Variants in ASH1L observed in about 807,000 individuals in gnomAD.
ASH1L encodes ASH1 like histone lysine methyltransferase.
In ASH1L, 23 loss-of-function variants were observed where a neutral mutation model predicts 269.0. That is an observed-to-expected ratio of 0.09 (90% CI 0.06 to 0.12). ASH1L has a LOEUF of 0.12. Ranked by LOEUF, ASH1L falls within the 10% of genes least tolerant of loss-of-function variation. The probability of loss-of-function intolerance (pLI) is 1.00; values close to 1 mark genes in which losing one functional copy is unlikely to be tolerated. For missense variants in ASH1L, 2,912 were observed against 3,567.8 expected (o/e 0.82, Z 4.68); for synonymous variants, 1,187 against 1,253.5 (o/e 0.95, Z 1.12).
chr1:155,379,124 G>T (rs1461731662), intron 8 of ASH1L, among the ~76,000 whole-genome samples: 1 of 151,840 alleles, frequency 6.6e-6, no homozygotes, highest in Non-Finnish European at 1.5e-5. Context: ...TGCATTAGAA[G>T]AGAGGCAGTC....
At chr1:155,492,082 TAA>T (rs1185500341) in intron 2 of ASH1L, among the ~76,000 whole-genome samples, 1 of 146,560 alleles carries the variant, frequency 6.8e-6, no homozygotes, top group East Asian at 2.2e-4. Flanking sequence ...TTGCCCAGGC[TAA>T]GAGTGCAATG....
chr1:155,428,171 G>A (rs942786432), intron 5 of ASH1L, among the ~76,000 whole-genome samples: 1 of 152,172 alleles, frequency 6.6e-6, no homozygotes, highest in Non-Finnish European at 1.5e-5. Flanking sequence ...GGGTGCAGTG[G>A]CTCACGCCTG....
intron 5 of ASH1L, among the ~76,000 whole-genome samples, chr1:155,422,686 C>T (rs1459965481): frequency 6.7e-6 from 1 of 148,956 alleles, no homozygotes; most frequent in Non-Finnish European, 1.5e-5. Context: ...TTTTACTCTG[C>T]CGCTGAGGCT....
chr1:155,538,663 T>TA (rs1004790699), intron 1 of ASH1L, among the ~76,000 whole-genome samples: 6 of 132,526 alleles, frequency 4.5e-5, no homozygotes, highest in Non-Finnish European at 6.4e-5. Context: ...TTTTTTTTTT[T>TA]AATAAAGACG....
chr1:155,496,171 A>G lies in ASH1L; in HGVS notation c.421-13722T>C, dbSNP rs373237151. Among the ~76,000 whole-genome samples, 7 of 152,328 alleles carry G rather than the reference A, an allele frequency of 4.6e-5. No homozygotes were observed. In the East Asian group the frequency reaches 1.2e-3, roughly 25 times the overall value. On this transcript the variant is annotated intron_variant, in intron 2 of 27. Coordinates refer to ENST00000392403, the MANE Select transcript of ASH1L (RefSeq NM_018489.3). ...TTTGTATCTTTACAATTATTTATTTAAAAATTTTTAAATTTGTTTTTACCT... is the reference window on the plus strand; with the variant it reads ...TTTGTATCTTTACAATTATTTATTTGAAAATTTTTAAATTTGTTTTTACCT...
chr1:155,347,202 C>T (rs1653424197), intron 20 of ASH1L, among the ~76,000 whole-genome samples: 1 of 152,098 alleles, frequency 6.6e-6, no homozygotes. Context: ...AGTTCAAGAC[C>T]AGCCTGGGCA....
chr1:155,485,522 C>T (rs1666281952), intron 2 of ASH1L, among the ~76,000 whole-genome samples: 1 of 152,112 alleles, frequency 6.6e-6, no homozygotes, highest in Non-Finnish European at 1.5e-5. Flanking sequence ...GAGCATATTA[C>T]TGGTAATACA....
chr1:155,503,428 A>G (rs1372656439), intron 2 of ASH1L, among the ~76,000 whole-genome samples: 1 of 152,210 alleles, frequency 6.6e-6, no homozygotes, highest in Non-Finnish European at 1.5e-5. Context: ...TTCCAAAAAT[A>G]AAAGTAAAAT....
intron 6 of ASH1L, among the ~76,000 whole-genome samples, chr1:155,401,016 T>C (rs867838173): frequency 6.6e-6 from 1 of 151,800 alleles, no homozygotes; most frequent in Non-Finnish European, 1.5e-5. Context: ...CAAAAATTAG[T>C]AGGGCGTAGT....
intron 2 of ASH1L, among the ~76,000 whole-genome samples, chr1:155,492,994 T>C (rs146005968): frequency 2.2e-3 from 339 of 152,224 alleles, no homozygotes; most frequent in African/African-American, 7.4e-3. Context: ...TGGCTAATTT[T>C]TTCTAGAGAT....
At chr1:155,515,078 T>C (rs903179720) in intron 2 of ASH1L, among the ~76,000 whole-genome samples, 6 of 152,156 alleles carry the variant, frequency 3.9e-5, no homozygotes, top group Non-Finnish European at 5.9e-5. Flanking sequence ...TGATCCACTA[T>C]ACCTTTCCAA....
At chr1:155,527,185 G>A (rs1046803520) in intron 1 of ASH1L, among the ~76,000 whole-genome samples, 6 of 151,926 alleles carry the variant, frequency 3.9e-5, no homozygotes, top group South Asian at 2.1e-4. Flanking sequence ...TCCAGCCTAG[G>A]TGACAGAGCG....
intron 1 of ASH1L, among the ~76,000 whole-genome samples, chr1:155,529,469 G>C (rs1669510556): frequency 6.7e-6 from 1 of 150,160 alleles, no homozygotes; most frequent in Non-Finnish European, 1.5e-5. Flanking sequence ...CCTCATGATT[G>C]TTGGCTGCAT....
intron 7 of ASH1L, among the ~76,000 whole-genome samples, chr1:155,387,171 G>A (rs1159361948): frequency 6.6e-6 from 1 of 151,862 alleles, no homozygotes; most frequent in Non-Finnish European, 1.5e-5. Flanking sequence ...ATGGGATTTT[G>A]CCATGTTGAT....
intron 6 of ASH1L, among the ~76,000 whole-genome samples, chr1:155,398,583 T>C (rs1291187661): frequency 6.6e-6 from 1 of 152,162 alleles, no homozygotes; most frequent in Non-Finnish European, 1.5e-5. Flanking sequence ...TTGCTCTGGG[T>C]GAGTCAGTGA....
chr1:155,557,646 G>A (rs764192425), intron 1 of ASH1L, among the ~76,000 whole-genome samples: 5 of 151,918 alleles, frequency 3.3e-5, no homozygotes, highest in Non-Finnish European at 7.4e-5. Context: ...GCCTGATGAG[G>A]CAGTCACTAA....
Position 155,402,144 on chromosome 1 carries a change from TCAAA to T in ASH1L, c.6009-6595_6009-6592del, listed in dbSNP as rs34981891. 5.1e-3 allele frequency among the ~76,000 whole-genome samples: 776 copies of T among 151,408 alleles called. 5 individuals are homozygous for T. Among genetic ancestry groups the T allele is most frequent in the African/African-American group, 0.011 (446 of 41,256 alleles). ...GATTGTGCCACTGCCAGACTCCGTC[TCAAA>T]CAAACAAACAAACAAACAAACAAAC... On this transcript the variant is annotated intron_variant, in intron 6 of 27. Transcript: ENST00000392403.
At chr1:155,518,413 A>G (rs2148834262) in intron 2 of ASH1L, among the ~76,000 whole-genome samples, 1 of 152,150 alleles carries the variant, frequency 6.6e-6, no homozygotes, top group East Asian at 1.9e-4. Context: ...AAAATTGAAA[A>G]CTTTTTTTTG....
intron 10 of ASH1L, among the ~76,000 whole-genome samples, chr1:155,376,440 T>C (rs1656448063): frequency 1.3e-5 from 2 of 151,882 alleles, no homozygotes; most frequent in Non-Finnish European, 2.9e-5. Flanking sequence ...ATGTGCATTG[T>C]TACTAAAACA....
Sources: allele counts gnomAD v4.1 joint callset (sites outside exome capture counted in the v4.1 genomes callset), GRCh38; gene constraint gnomAD v4.1.1; transcripts MANE v1.5; gene names NCBI Gene and HGNC (gene_info 2026-07-23, HGNC 2026-07-21).